AP3B1: variants seen among roughly 807,000 people sequenced by gnomAD.
AP3B1 encodes adaptor related protein complex 3 subunit beta 1, also known as AP-3 complex subunit beta-1.
A neutral mutation model predicts 132.5 loss-of-function variants in AP3B1; 61 were observed. That is an observed-to-expected ratio of 0.46 (90% CI 0.37 to 0.57). The LOEUF is 0.57. Ranked by LOEUF, AP3B1 falls within the 20% of genes least tolerant of loss-of-function variation. The probability of loss-of-function intolerance (pLI) is 0.00; values close to 1 mark genes in which losing one functional copy is unlikely to be tolerated. For missense variants in AP3B1, 1,120 were observed against 1,289.4 expected, an observed-to-expected ratio of 0.87 and a Z score of 2.01; for synonymous variants, 388 against 438.3, an observed-to-expected ratio of 0.89 and a Z score of 1.43.
At chr5:78,053,993 T>G (rs1748701779) in intron 22 of AP3B1, among the ~76,000 whole-genome samples, 1 of 152,222 alleles carries the variant, frequency 6.6e-6, no homozygotes, top group East Asian at 1.9e-4. Flanking sequence ...ACTAGCCTTG[T>G]AACACCAGAA....
intron 1 of AP3B1, among the ~76,000 whole-genome samples, chr5:78,271,022 G>A (rs80120689): frequency 0.025 from 3,849 of 152,284 alleles, 104 homozygotes; most frequent in East Asian, 0.14. Context: ...AAGTCATGAG[G>A]TAATATAGGG....
chr5:78,265,090 A>T (rs964539224), intron 2 of AP3B1, among the ~76,000 whole-genome samples: 6 of 152,220 alleles, frequency 3.9e-5, no homozygotes, highest in Non-Finnish European at 8.8e-5. Flanking sequence ...GAAAGTGAAA[A>T]AATAATAAAA....
intron 20 of AP3B1, among the ~76,000 whole-genome samples, chr5:78,102,059 G>A (rs983465545): frequency 6.6e-6 from 1 of 152,058 alleles, no homozygotes. Context: ...AGCCAAGATA[G>A]ATATAGTCCT....
chr5:78,123,107 T>C (rs1381159039), intron 17 of AP3B1, among the ~76,000 whole-genome samples: 1 of 152,246 alleles, frequency 6.6e-6, no homozygotes, highest in Non-Finnish European at 1.5e-5. Flanking sequence ...AAGGATTCCC[T>C]ATTTAATAAA....
intron 13 of AP3B1, 33 bp downstream of exon 13, chr5:78,162,786 T>A: frequency 6.2e-7 from 1 of 1,610,382 alleles, no homozygotes; most frequent in Non-Finnish European, 8.5e-7. Flanking sequence ...CAAATTTAAA[T>A]CACCTGAAAA....
intron 2 of AP3B1, among the ~76,000 whole-genome samples, chr5:78,256,064 C>G (rs1747834092): frequency 6.6e-6 from 1 of 151,458 alleles, no homozygotes; most frequent in Admixed American, 6.6e-5. Context: ...GTGTCTACAT[C>G]AAAAAAGAAG....
intron 14 of AP3B1, among the ~76,000 whole-genome samples, chr5:78,147,691 T>C (rs1450164508): frequency 6.6e-6 from 1 of 152,180 alleles, no homozygotes; most frequent in Non-Finnish European, 1.5e-5. Context: ...CTTTGCTATA[T>C]AGAGCTGTAA....
chr5:78,098,628 G>A (rs1751000147), intron 21 of AP3B1, among the ~76,000 whole-genome samples: 1 of 152,184 alleles, frequency 6.6e-6, no homozygotes, highest in African/African-American at 2.4e-5. Flanking sequence ...ATTCTTGTCT[G>A]TTCCCAGGTT....
intron 23 of AP3B1, 36 bp downstream of exon 23, chr5:78,039,007 A>G: frequency 7.8e-7 from 1 of 1,281,520 alleles, no homozygotes; most frequent in African/African-American, 1.5e-5. Flanking sequence ...TAGTGATCAA[A>G]TATAGTTAAG....
At chr5:78,165,169 GT>G (rs947243715) in intron 12 of AP3B1, among the ~76,000 whole-genome samples, 6 of 152,096 alleles carry the variant, frequency 3.9e-5, no homozygotes, top group African/African-American at 1.4e-4. Context: ...AAAAATCGTA[GT>G]GGGGCAATTA....
At chr5:78,213,121 A>T (rs558320855) in intron 7 of AP3B1, among the ~76,000 whole-genome samples, 2 of 151,672 alleles carry the variant, frequency 1.3e-5, no homozygotes, top group Non-Finnish European at 2.9e-5. Context: ...CCTCGTGATA[A>T]GCCCGCCTCA....
At chr5:78,228,785 A>C (rs1746505879) in intron 3 of AP3B1, among the ~76,000 whole-genome samples, 1 of 152,136 alleles carries the variant, frequency 6.6e-6, no homozygotes, top group South Asian at 2.1e-4. Context: ...CAGAGCCCTA[A>C]CTCTGATTTT....
chr5:78,067,652 T>G (rs1580305285), intron 22 of AP3B1, among the ~76,000 whole-genome samples: 1 of 152,172 alleles, frequency 6.6e-6, no homozygotes, highest in Admixed American at 6.5e-5. Context: ...TTGAACAACC[T>G]GCTACTGATT....
chr5:78,143,907 A>G (rs943344570), intron 14 of AP3B1, among the ~76,000 whole-genome samples: 7 of 152,088 alleles, frequency 4.6e-5, no homozygotes, highest in Non-Finnish European at 1.0e-4. Context: ...TGGGAGGCTA[A>G]GGTAAAAGAA....
chr5:78,188,113 C>A (rs938877361), intron 7 of AP3B1, among the ~76,000 whole-genome samples: 6 of 152,108 alleles, frequency 3.9e-5, no homozygotes, highest in Admixed American at 2.0e-4. Context: ...AATGTAAAAC[C>A]CAAAACTATA....
At chr5:78,123,466 T>C (rs1752319628) in intron 17 of AP3B1, among the ~76,000 whole-genome samples, 1 of 151,766 alleles carries the variant, frequency 6.6e-6, no homozygotes, top group South Asian at 2.1e-4. Context: ...AGGGCTAATA[T>C]CCAGAATCTA....
intron 22 of AP3B1, among the ~76,000 whole-genome samples, chr5:78,070,507 T>C (rs1206795173): frequency 6.6e-6 from 1 of 151,000 alleles, no homozygotes; most frequent in Non-Finnish European, 1.5e-5. Context: ...CAGGCAAAGA[T>C]TTTATGATGA....
intron 17 of AP3B1, among the ~76,000 whole-genome samples, chr5:78,118,872 C>T (rs1214401250): frequency 6.6e-6 from 1 of 152,202 alleles, no homozygotes; most frequent in Non-Finnish European, 1.5e-5. Context: ...GGGCAGACTG[C>T]CTCCTCAAGT....
chr5:78,148,815 T>G (rs1561439805), intron 14 of AP3B1, among the ~76,000 whole-genome samples: 1 of 152,194 alleles, frequency 6.6e-6, no homozygotes, highest in Non-Finnish European at 1.5e-5. Flanking sequence ...CTTTGTCTTC[T>G]TCCATCTAGA....
Sources: allele counts gnomAD v4.1 joint callset (sites outside exome capture counted in the v4.1 genomes callset), GRCh38; gene constraint gnomAD v4.1.1; transcripts MANE v1.5; gene names NCBI Gene and HGNC (gene_info 2026-07-23, HGNC 2026-07-21).